Variants in ZPLD1 observed in about 807,000 individuals in gnomAD.
The protein encoded by ZPLD1 is zona pellucida like domain containing 1, also known as zona pellucida-like domain-containing protein 1.
In ZPLD1, 34 loss-of-function variants were observed where a neutral mutation model predicts 47.2. That is an observed-to-expected ratio of 0.72 (90% CI 0.55 to 0.96). ZPLD1 has a LOEUF of 0.96. Among genes scored for constraint, ZPLD1 ranks in the 40% least tolerant of loss-of-function variants. The pLI is 0.00. For missense variants in ZPLD1, 512 were observed against 505.8 expected, an observed-to-expected ratio of 1.01 and a Z score of -0.12; for synonymous variants, 176 against 186.2, an observed-to-expected ratio of 0.95 and a Z score of 0.45.
intron 3 of ZPLD1, among the ~76,000 whole-genome samples, chr3:102,441,557 A>G (rs1707177698): frequency 6.6e-6 from 1 of 152,190 alleles, no homozygotes; most frequent in South Asian, 2.1e-4. Flanking sequence ...GTGGAAATAT[A>G]ACTAAAAACA....
At chr3:102,464,312 A>G (rs1056025076) in intron 8 of ZPLD1, 61 bp downstream of exon 8, 1 of 1,155,810 alleles carries the variant, frequency 8.7e-7, no homozygotes, top group African/African-American at 1.5e-5. Context: ...GATAATTGAA[A>G]TGGAATATCT....
At chr3:102,410,244 G>A (rs1706734887) in intron 7 of ZPLD1, among the ~76,000 whole-genome samples, 2 of 151,710 alleles carry the variant, frequency 1.3e-5, no homozygotes, top group African/African-American at 4.8e-5. Flanking sequence ...GTTTATGGAT[G>A]CACTCCCACC....
intron 7 of ZPLD1, among the ~76,000 whole-genome samples, chr3:102,398,943 C>G (rs543723335): frequency 6.6e-6 from 1 of 152,188 alleles, no homozygotes; most frequent in East Asian, 1.9e-4. Flanking sequence ...TATATTCATG[C>G]CCCACTTGTT....
intron 5 of ZPLD1, among the ~76,000 whole-genome samples, chr3:102,457,216 G>A (rs548911447): frequency 6.6e-6 from 1 of 152,274 alleles, no homozygotes; most frequent in South Asian, 2.1e-4. Context: ...GTAATGATAA[G>A]CACCTTGGTC....
intron 1 of ZPLD1, among the ~76,000 whole-genome samples, chr3:102,436,323 TTC>T (rs534815213): frequency 1.3e-5 from 2 of 152,198 alleles, no homozygotes; most frequent in African/African-American, 2.4e-5. Context: ...AAATAAACAA[TTC>T]TCTCTGTCTC....
intron 6 of ZPLD1, among the ~76,000 whole-genome samples, chr3:102,390,248 T>C (rs1199926818): frequency 6.6e-6 from 1 of 152,172 alleles, no homozygotes; most frequent in African/African-American, 2.4e-5. Flanking sequence ...CACAGCGTGC[T>C]TTCTACTCTA....
Position 102,456,216 on chromosome 3 carries a change from T to C in ZPLD1, c.351T>C (p.Ser117=), listed in dbSNP as rs767861536. Residue 117 remains serine (S), a synonymous_variant, in exon 5 of 12, where the codon AGT becomes AGC. Coordinates refer to ENST00000466937, the MANE Select transcript of ZPLD1 (RefSeq NM_001329788.2). ...NLVVSTIPGV[S]AYGNATSVQV... ...AGGTATCCACAATTCCTGGAGTCAG[T>C]GCTTATGGAAATGCAACTTCAGTGC... 6.2e-7 allele frequency: 1 copy of C among 1,613,312 alleles called. No individual in the cohort carries two copies. Among genetic ancestry groups the C allele is most frequent in the South Asian group, 1.1e-5 (1 of 90,826 alleles).
chr3:102,430,589 G>A (rs1357333452), upstream of ZPLD1, among the ~76,000 whole-genome samples: 1 of 152,116 alleles, frequency 6.6e-6, no homozygotes, highest in Admixed American at 6.6e-5. Flanking sequence ...AAAGAGAGGA[G>A]TACTATAGGA....
At chr3:102,393,063 C>G (rs149876021) in intron 7 of ZPLD1, among the ~76,000 whole-genome samples, 42 of 152,192 alleles carry the variant, frequency 2.8e-4, no homozygotes, top group Middle Eastern at 3.4e-3. Context: ...AAGGCCTAAA[C>G]AATATGAATT....
intron 6 of ZPLD1, among the ~76,000 whole-genome samples, chr3:102,458,604 CT>C (rs1559758236): frequency 6.6e-6 from 1 of 152,072 alleles, no homozygotes; most frequent in East Asian, 1.9e-4. Context: ...ATTCATGCAA[CT>C]GATTTAAAAG....
rs1282837973 is a variant in ZPLD1, at chr3:102,479,748, GT to G, written c.*2134del. On this transcript the variant is annotated 3_prime_UTR_variant, in exon 12 of 12. Coordinates refer to ENST00000466937, the MANE Select transcript of ZPLD1 (RefSeq NM_001329788.2). ...CAAAATATGTGCAAATGTTTCTTCA[GT>G]TTTAATACCTCAAACTGTTTTTTGC... 1 of 152,074 alleles carries G rather than the reference GT, an allele frequency of 6.6e-6. No homozygotes were observed. The highest frequency in any genetic ancestry group is 2.4e-5 in the African/African-American group (1 of 41,408). 9.4% of individuals were successfully genotyped at this position (152,074 alleles called of 1,614,324 possible).
intron 7 of ZPLD1, among the ~76,000 whole-genome samples, chr3:102,402,669 A>G (rs113218004): frequency 0.013 from 1,991 of 152,094 alleles, 42 homozygotes; most frequent in African/African-American, 0.045. Flanking sequence ...TTCCAAGGCA[A>G]TAGAACAATA....
chr3:102,423,077 T>C (rs575975511), intron 8 of ZPLD1, among the ~76,000 whole-genome samples: 1 of 152,228 alleles, frequency 6.6e-6, no homozygotes, highest in East Asian at 1.9e-4. Flanking sequence ...GTTTTACTTT[T>C]GGTCCAAAAC....
intron 10 of ZPLD1, among the ~76,000 whole-genome samples, chr3:102,476,677 C>G (rs964048450): frequency 2.0e-5 from 3 of 152,070 alleles, no homozygotes; most frequent in Admixed American, 6.6e-5. Context: ...CCCCCACCAG[C>G]CTGACTGGAG....
chr3:102,388,420 T>G (rs1706457042), intron 6 of ZPLD1, among the ~76,000 whole-genome samples: 1 of 151,060 alleles, frequency 6.6e-6, no homozygotes, highest in Non-Finnish European at 1.5e-5. Context: ...TTGGATTTTC[T>G]CTCCTGGAGT....
At chr3:102,475,223 C>T (rs553151517) in intron 10 of ZPLD1, among the ~76,000 whole-genome samples, 1 of 152,004 alleles carries the variant, frequency 6.6e-6, no homozygotes, top group Non-Finnish European at 1.5e-5. Context: ...GTGTCTTTTC[C>T]CCACACACGG....
intron 7 of ZPLD1, among the ~76,000 whole-genome samples, chr3:102,393,379 T>A (rs1048884843): frequency 6.6e-5 from 10 of 152,128 alleles, no homozygotes; most frequent in African/African-American, 1.4e-4. Flanking sequence ...AAACAGATTT[T>A]AAAAAATCTT....
chr3:102,434,957 GCAC>G (rs1371279855), upstream of ZPLD1: 1 of 694,630 alleles, frequency 1.4e-6, no homozygotes, highest in Non-Finnish European at 2.4e-6. Flanking sequence ...GTCTGGAATT[GCAC>G]CTGCCTAAGA....
chr3:102,438,880 G>A (rs1707132261), intron 3 of ZPLD1, among the ~76,000 whole-genome samples: 1 of 151,946 alleles, frequency 6.6e-6, no homozygotes, highest in Non-Finnish European at 1.5e-5. Context: ...CAAAATTTGT[G>A]TCTTTTTTTC....
Sources: gnomAD v4.1 joint callset for allele counts (sites outside exome capture counted in the v4.1 genomes callset) on GRCh38, gnomAD v4.1.1 for gene constraint, MANE v1.5 for transcripts, NCBI Gene and HGNC (gene_info 2026-07-23, HGNC 2026-07-21) for gene names.